TUSC3: variants seen among roughly 807,000 people sequenced by gnomAD.
TUSC3 encodes the protein dolichyl-diphosphooligosaccharide--protein glycosyltransferase subunit TUSC3.
A neutral mutation model predicts 44.8 loss-of-function variants in TUSC3; 45 were observed. The observed-to-expected ratio is 1.00, with a 90% CI of 0.79 to 1.29. The LOEUF (loss-of-function observed/expected upper bound fraction) is 1.29. Ranked by LOEUF, TUSC3 falls within the 50% of genes most tolerant of loss-of-function variation. The pLI is 0.00. For synonymous variants in TUSC3, 212 were observed against 152.9 expected (o/e 1.39, Z -2.85); for missense variants, 519 against 437.9 (o/e 1.19, Z -1.65).
intron 10 of TUSC3, among the ~76,000 whole-genome samples, chr8:15,759,315 C>G (rs773654196): frequency 2.2e-4 from 33 of 152,036 alleles, no homozygotes; most frequent in Admixed American, 5.9e-4. Context: ...TTCCTGACTT[C>G]CTCTCCAGTT....
chr8:15,778,384 T>C, the TUSC3 span, among the ~76,000 whole-genome samples: 1 of 152,184 alleles, frequency 6.6e-6, no homozygotes, highest in African/African-American at 2.4e-5. Context: ...ATCTCTGGGC[T>C]CTTAATATTA....
At chr8:15,523,639 CATAT>C (rs151223991) in intron 2 of TUSC3, among the ~76,000 whole-genome samples, 170 of 63,660 alleles carry the variant, frequency 2.7e-3, no homozygotes, top group East Asian at 7.2e-3. Context: ...CCTTTAAAAA[CATAT>C]ATATATATAT....
chr8:15,543,004 A>G (rs1414767187), intron 1 of TUSC3, among the ~76,000 whole-genome samples: 2 of 152,216 alleles, frequency 1.3e-5, no homozygotes, highest in African/African-American at 4.8e-5. Context: ...GCCATTCCGT[A>G]TCTGGTACTC....
At chr8:15,543,054 G>T (rs1336269212) in intron 1 of TUSC3, among the ~76,000 whole-genome samples, 1 of 152,114 alleles carries the variant, frequency 6.6e-6, no homozygotes, top group Non-Finnish European at 1.5e-5. Context: ...ATATTGGAAG[G>T]GAAACACGCT....
intron 1 of TUSC3, among the ~76,000 whole-genome samples, chr8:15,468,880 A>G (rs977562075): frequency 1.3e-5 from 2 of 152,008 alleles, no homozygotes; most frequent in African/African-American, 2.4e-5. Context: ...AGACTCTAAT[A>G]AAAAGGAATA....
chr8:15,441,586 G>C (rs1800020795), intron 1 of TUSC3, among the ~76,000 whole-genome samples: 1 of 152,190 alleles, frequency 6.6e-6, no homozygotes, highest in African/African-American at 2.4e-5. Flanking sequence ...AATAGGCTAT[G>C]CTGAGAATTA....
chr8:15,575,446 G>C (rs1239197595), intron 1 of TUSC3, among the ~76,000 whole-genome samples: 3 of 152,088 alleles, frequency 2.0e-5, no homozygotes, highest in Non-Finnish European at 2.9e-5. Flanking sequence ...TTCATTGTAA[G>C]AGGATAATAT....
intron 5 of TUSC3, among the ~76,000 whole-genome samples, chr8:15,666,106 A>G (rs536021735): frequency 9.9e-5 from 15 of 151,652 alleles, no homozygotes; most frequent in African/African-American, 3.4e-4. Flanking sequence ...AGAAAACAAT[A>G]TTGACTTGGA....
At position 15,689,286 on chromosome 8, in the gene TUSC3, C is replaced by G. The variant is rs145621401; in HGVS notation, c.798+15450C>G. 175 of 334,130 alleles carry G rather than the reference C, an allele frequency of 5.2e-4. No individual in the cohort carries two copies. In the Middle Eastern group the frequency reaches 7.3e-3, roughly 14 times the overall value. 20.7% of individuals were successfully genotyped at this position (334,130 alleles called of 1,614,324 possible). On this transcript the variant is annotated intron_variant, in intron 6 of 10. Transcript: ENST00000503731. ...ACTTGTGAAATAGCTGCATAATTGT[C>G]TCTTGGACCATTACTTTCCTGGTAG... is the stretch of plus-strand genomic sequence containing the variant.
At chr8:15,684,409 C>G (rs944034787) in intron 6 of TUSC3, among the ~76,000 whole-genome samples, 4 of 152,144 alleles carry the variant, frequency 2.6e-5, no homozygotes, top group African/African-American at 7.2e-5. Context: ...GTGTGTACAA[C>G]TGGTATATTT....
At chr8:15,760,550 A>T (rs1256858969) in intron 10 of TUSC3, among the ~76,000 whole-genome samples, 1 of 152,174 alleles carries the variant, frequency 6.6e-6, no homozygotes, top group African/African-American at 2.4e-5. Context: ...ACAAACTAAG[A>T]ATGGCTTCTA....
intron 2 of TUSC3, among the ~76,000 whole-genome samples, chr8:15,650,474 G>C (rs1452404624): frequency 2.6e-5 from 4 of 152,094 alleles, no homozygotes; most frequent in Admixed American, 6.5e-5. Flanking sequence ...AAATGTGGCT[G>C]TGTCGCAATA....
At position 15,569,674 on chromosome 8, in the gene TUSC3, T is replaced by TC. The variant is rs1205795704; in HGVS notation, c.138+29107dup. Among the ~76,000 whole-genome samples the TC allele has an allele frequency of 2.0e-5, 3 of 152,148 alleles. No homozygotes were observed. In the East Asian group the frequency reaches 5.8e-4, roughly 29 times the overall value. Reference sequence around the variant, plus strand: ...CTTTCCCTGGGCTAACGGGGACATCTCGTTACGTGAGTTAGAGGTAGGGTA... The same window carrying TC: ...CTTTCCCTGGGCTAACGGGGACATCTCCGTTACGTGAGTTAGAGGTAGGGTA... On this transcript the variant is annotated intron_variant, in intron 1 of 10. Transcript: ENST00000503731.
At chr8:15,561,939 A>G (rs1293880744) in intron 1 of TUSC3, among the ~76,000 whole-genome samples, 1 of 152,176 alleles carries the variant, frequency 6.6e-6, no homozygotes, top group African/African-American at 2.4e-5. Context: ...GGTACCTCAG[A>G]TGGAAATGCA....
chr8:15,421,920 T>C (rs2129115238), intron 1 of TUSC3, among the ~76,000 whole-genome samples: 1 of 152,316 alleles, frequency 6.6e-6, no homozygotes, highest in East Asian at 1.9e-4. Flanking sequence ...TGAATTCAAT[T>C]GTTTTCTTTT....
At chr8:15,514,709 C>T (rs1801190819) in intron 2 of TUSC3, among the ~76,000 whole-genome samples, 2 of 152,030 alleles carry the variant, frequency 1.3e-5, no homozygotes, top group Admixed American at 6.6e-5. Flanking sequence ...TTTTAATATT[C>T]ACTTTATTTA....
At chr8:15,720,646 G>T (rs1359178219) in intron 6 of TUSC3, among the ~76,000 whole-genome samples, 2 of 152,058 alleles carry the variant, frequency 1.3e-5, no homozygotes, top group Non-Finnish European at 2.9e-5. Context: ...AGAGCAAATG[G>T]ATGACATTAG....
chr8:15,606,876 A>G (rs1423056189), intron 1 of TUSC3, among the ~76,000 whole-genome samples: 3 of 152,066 alleles, frequency 2.0e-5, no homozygotes, highest in Non-Finnish European at 2.9e-5. Flanking sequence ...CCCTTGGTAC[A>G]GTTTTAACTT....
the TUSC3 span, among the ~76,000 whole-genome samples, chr8:15,777,769 C>G: frequency 6.6e-6 from 1 of 152,122 alleles, no homozygotes; most frequent in Admixed American, 6.6e-5. Context: ...CCTGAATTAT[C>G]TCCTTTACAG....
Sources: allele counts gnomAD v4.1 joint callset (sites outside exome capture counted in the v4.1 genomes callset), GRCh38; gene constraint gnomAD v4.1.1; transcripts MANE v1.5; gene names NCBI Gene and HGNC (gene_info 2026-07-23, HGNC 2026-07-21).